Variants in PTPRM observed in about 807,000 individuals in gnomAD.
PTPRM encodes protein tyrosine phosphatase receptor type M, also known as receptor-type tyrosine-protein phosphatase mu.
Under a neutral mutation model 186.7 loss-of-function variants are expected in PTPRM, and 47 were observed. That is an observed-to-expected ratio of 0.25 (90% CI 0.20 to 0.32). The LOEUF is 0.32. PTPRM is among the 10% of genes least tolerant of loss of function. The probability of loss-of-function intolerance (pLI) is 1.00; values close to 1 mark genes in which losing one functional copy is unlikely to be tolerated. For missense variants in PTPRM, 1,494 were observed against 1,865.0 expected (o/e 0.80, Z 3.66); for synonymous variants, 668 against 674.9 (o/e 0.99, Z 0.16).
At chr18:7,667,722 A>AG (rs1423837395) in intron 1 of PTPRM, among the ~76,000 whole-genome samples, 1 of 152,222 alleles carries the variant, frequency 6.6e-6, no homozygotes, top group Non-Finnish European at 1.5e-5. Context: ...ATAGGCTGAT[A>AG]GAAAAAGGAC....
intron 14 of PTPRM, among the ~76,000 whole-genome samples, chr18:8,209,723 A>G (rs2093976678): frequency 6.6e-6 from 1 of 152,052 alleles, no homozygotes; most frequent in Non-Finnish European, 1.5e-5. Context: ...AAGGACAAGA[A>G]CAGAAAACCA....
intron 9 of PTPRM, among the ~76,000 whole-genome samples, chr18:8,082,678 C>T (rs937151969): frequency 3.3e-5 from 5 of 151,936 alleles, no homozygotes; most frequent in Admixed American, 2.6e-4. Context: ...GGGAGTGGTA[C>T]CAGGCTCCCT....
chr18:8,131,467 C>T (rs1178177420), intron 13 of PTPRM, among the ~76,000 whole-genome samples: 1 of 152,172 alleles, frequency 6.6e-6, no homozygotes, highest in Non-Finnish European at 1.5e-5. Flanking sequence ...GCAGTAATAG[C>T]CCAAAACAGA....
intron 14 of PTPRM, among the ~76,000 whole-genome samples, chr18:8,160,882 G>T (rs1464250591): frequency 6.6e-6 from 1 of 152,154 alleles, no homozygotes; most frequent in South Asian, 2.1e-4. Flanking sequence ...TAATTAATAA[G>T]AACAAATTCA....
At chr18:7,677,372 T>C (rs191306299) in intron 1 of PTPRM, among the ~76,000 whole-genome samples, 41 of 152,348 alleles carry the variant, frequency 2.7e-4, no homozygotes, top group East Asian at 1.5e-3. Flanking sequence ...AACAGCCTTA[T>C]GTTTCAACAG....
At chr18:7,749,352 T>C (rs1161018312) in intron 1 of PTPRM, 1 of 150,812 alleles carries the variant, frequency 6.6e-6, no homozygotes, top group South Asian at 2.1e-4. Flanking sequence ...AAAACTCACA[T>C]TTTTTTTTGG....
chr18:8,238,254 C>T (rs7231433), intron 14 of PTPRM, among the ~76,000 whole-genome samples: 38,115 of 151,920 alleles, frequency 0.25, 5,599 homozygotes, highest in African/African-American at 0.41. Flanking sequence ...TGTAGTTGCC[C>T]CATGGTTTTG....
intron 7 of PTPRM, among the ~76,000 whole-genome samples, chr18:8,008,174 T>C (rs1337983305): frequency 6.6e-6 from 1 of 152,198 alleles, no homozygotes; most frequent in Non-Finnish European, 1.5e-5. Context: ...CAGATGCTAA[T>C]GTAGCTGCCC....
chr18:8,329,527 A>G (rs950229275), intron 22 of PTPRM, among the ~76,000 whole-genome samples: 3 of 152,198 alleles, frequency 2.0e-5, no homozygotes, highest in African/African-American at 7.2e-5. Context: ...AGCTGAAACT[A>G]ATACCCATGT....
chr18:7,600,090 T>G (rs757356086), intron 1 of PTPRM, among the ~76,000 whole-genome samples: 2 of 152,194 alleles, frequency 1.3e-5, no homozygotes, highest in Non-Finnish European at 2.9e-5. Flanking sequence ...GGAGCAGGAC[T>G]CTGGGGCCCA....
chr18:8,099,133 GTCTCTTTCTCTCTCTCTCTC>G (rs1233531881), intron 11 of PTPRM, among the ~76,000 whole-genome samples: 4 of 150,694 alleles, frequency 2.7e-5, no homozygotes, highest in Admixed American at 6.6e-5. Context: ...TCTCTCCACA[GTCTCTTTCTCTCTCTCTCTC>G]TCTCTTTCTC....
At chr18:7,659,845 A>C (rs1472604061) in intron 1 of PTPRM, among the ~76,000 whole-genome samples, 2 of 152,190 alleles carry the variant, frequency 1.3e-5, no homozygotes, top group East Asian at 1.9e-4. Flanking sequence ...AATCTAGTGC[A>C]GAAGCCTTAG....
At chr18:8,019,672 C>T (rs1600102266) in intron 7 of PTPRM, among the ~76,000 whole-genome samples, 1 of 150,906 alleles carries the variant, frequency 6.6e-6, no homozygotes, top group Non-Finnish European at 1.5e-5. Flanking sequence ...TGGAATTAAA[C>T]AAGGAGGATT....
intron 1 of PTPRM, among the ~76,000 whole-genome samples, chr18:7,738,591 A>G (rs1018429639): frequency 3.5e-5 from 5 of 141,642 alleles, no homozygotes; most frequent in Non-Finnish European, 1.5e-5. Context: ...GCCCGCCACC[A>G]CACCCGGCTA....
rs566865321 is a variant in PTPRM, at chr18:7,783,902, C to A, written c.196+9631C>A. Among the ~76,000 whole-genome samples, 28 of 152,076 alleles carry A rather than the reference C, an allele frequency of 1.8e-4. No homozygotes were observed. In the South Asian group the frequency reaches 2.1e-3, roughly 11 times the overall value. On this transcript the variant is annotated intron_variant, in intron 2 of 32. Transcript: ENST00000580170. ...AATTACAGGTGGAAGCCACTGTGCC[C>A]AGCCCAGTGGCCTCTCTTTACTGGG...
At chr18:8,028,350 T>C (rs2085709143) in intron 7 of PTPRM, among the ~76,000 whole-genome samples, 1 of 152,208 alleles carries the variant, frequency 6.6e-6, no homozygotes, top group Admixed American at 6.5e-5. Context: ...ATCCTGATGA[T>C]CATTCTTAGG....
intron 3 of PTPRM, among the ~76,000 whole-genome samples, chr18:7,890,392 C>G (rs2049010871): frequency 6.6e-6 from 1 of 152,170 alleles, no homozygotes; most frequent in South Asian, 2.1e-4. Flanking sequence ...TAAGATCCAT[C>G]AACCCCAATT....
At chr18:8,274,754 A>G (rs2094813832) in intron 19 of PTPRM, among the ~76,000 whole-genome samples, 1 of 152,214 alleles carries the variant, frequency 6.6e-6, no homozygotes, top group Admixed American at 6.5e-5. Flanking sequence ...GCAAAGTTCA[A>G]AACTTTGAGC....
At chr18:8,155,979 A>G (rs954461160) in intron 14 of PTPRM, among the ~76,000 whole-genome samples, 2 of 152,218 alleles carry the variant, frequency 1.3e-5, no homozygotes, top group Non-Finnish European at 2.9e-5. Flanking sequence ...ATAAGTATGA[A>G]CCAGATGCTG....
Sources: allele counts gnomAD v4.1 joint callset (sites outside exome capture counted in the v4.1 genomes callset), GRCh38; gene constraint gnomAD v4.1.1; transcripts MANE v1.5; gene names NCBI Gene and HGNC (gene_info 2026-07-23, HGNC 2026-07-21).